The following UACA variants were observed in gnomAD, a reference collection of about 807,000 sequenced individuals.
The protein encoded by UACA is uveal autoantigen with coiled-coil domains and ankyrin repeats.
A neutral mutation model predicts 160.5 loss-of-function variants in UACA; 112 were observed. The observed-to-expected ratio is 0.70, with a 90% CI of 0.60 to 0.82. UACA has a LOEUF of 0.82. UACA is among the 40% of genes least tolerant of loss of function. The pLI is 0.00. For missense variants in UACA, 1,574 were observed against 1,614.6 expected, an observed-to-expected ratio of 0.97 and a Z score of 0.43; for synonymous variants, 557 against 568.4, an observed-to-expected ratio of 0.98 and a Z score of 0.29.
chr15:70,699,543 C>T lies in UACA; in HGVS notation c.196G>A (p.Val66Met). The change falls in exon 2 of 19, where the codon GTG (valine) becomes ATG (methionine). Residue 66 changes from valine (V) to methionine (M), a missense_variant. Physicochemically the swap from Val to Met is conservative, Grantham distance 21 (BLOSUM62 1). Coordinates refer to ENST00000322954, the MANE Select transcript of UACA (RefSeq NM_018003.4). Reference sequence around the variant, plus strand: ...AATACTTACACAGATCTGCCTTCCACATCTAGTTTGCCTGGATTGACCCCC... The same window carrying T: ...AATACTTACACAGATCTGCCTTCCATATCTAGTTTGCCTGGATTGACCCCC... ...KKGVNPGKLD[V>M]EGRSVFHVVT... 1 of 1,611,058 alleles carries T rather than the reference C, an allele frequency of 6.2e-7. No individual in the cohort carries two copies. Among genetic ancestry groups the T allele is most frequent in the Non-Finnish European group, 8.5e-7 (1 of 1,179,194 alleles).
chr15:70,759,323 T>A (rs543363246), intron 1 of UACA, among the ~76,000 whole-genome samples: 1 of 152,284 alleles, frequency 6.6e-6, no homozygotes, highest in African/African-American at 2.4e-5. Flanking sequence ...AATTATCCCT[T>A]TTAGAAATCC....
At position 70,695,119 on chromosome 15, in the gene UACA, A is replaced by AAATATTTGTT; in HGVS notation, c.213-24_213-15dup. ...ACAACATGGAAGCTAAACAAAAAAA[A>AAATATTTGTT]AATATTTGTTGTGCTAAGGAAACAA... On this transcript the variant is annotated splice_polypyrimidine_tract_variant and intron_variant, in intron 2 of 18. Coordinates refer to ENST00000322954, the MANE Select transcript of UACA (RefSeq NM_018003.4). 1 of 1,574,336 alleles carries AAATATTTGTT rather than the reference A, an allele frequency of 6.4e-7. No individual in the cohort carries two copies. Among genetic ancestry groups the AAATATTTGTT allele is most frequent in the Non-Finnish European group, 8.6e-7 (1 of 1,160,786 alleles).
rs1350415570 is a variant in UACA at position 70,669,134 on chromosome 15, T to C, written c.1550A>G (p.Gln517Arg). 1 of 1,614,146 alleles carries C rather than the reference T, an allele frequency of 6.2e-7. No individual in the cohort carries two copies. The highest frequency in any genetic ancestry group is 2.2e-5 in the East Asian group (1 of 44,888). ...YESEGKVKQMQTHFLALKEHL... is the reference protein window; with the variant it reads ...YESEGKVKQMRTHFLALKEHL... ...TTCTTTAAGGGCAAGAAAATGGGTC[T>C]GCATTTGTTTAACTTTACCTTCTGA... is the stretch of plus-strand genomic sequence containing the variant. Residue 517 changes from glutamine to arginine, a missense_variant, in exon 16 of 19, where the codon CAG (glutamine) becomes CGG (arginine). Physicochemically the swap from Gln to Arg is conservative, Grantham distance 43. Transcript: ENST00000322954.
intron 8 of UACA, 95 bp downstream of exon 8, chr15:70,684,170 T>G: frequency 9.2e-7 from 1 of 1,091,046 alleles, no homozygotes; most frequent in Non-Finnish European, 1.3e-6. Context: ...AAGGAATGTT[T>G]TGCTTCTTAT....
Position 70,668,572 on chromosome 15 carries a change from C to A in UACA, c.2112G>T (p.Lys704Asn). The A allele has an allele frequency of 6.2e-7, 1 of 1,612,750 alleles. No individual in the cohort carries two copies. The highest frequency in any genetic ancestry group is 1.3e-5 in the African/African-American group (1 of 74,990). ...GATTTTTCAATGTTAACTCAGTGAT[C>A]TTCTTCCCAAGTTCTCCTGATTTCT... ...LEQKSGELGKKITELTLKNQT... is the reference protein window; with the variant it reads ...LEQKSGELGKNITELTLKNQT... Residue 704 changes from lysine (K) to asparagine (N), a missense_variant, in exon 16 of 19, where the codon AAG becomes AAT. Lys to Asn is a moderately conservative substitution (Grantham distance 94). Transcript: ENST00000322954.
At chr15:70,723,233 G>A (rs1356913608) in intron 1 of UACA, among the ~76,000 whole-genome samples, 2 of 152,218 alleles carry the variant, frequency 1.3e-5, no homozygotes, top group African/African-American at 2.4e-5. Context: ...AGCGGCTCAC[G>A]CCTGTAATCC....
intron 14 of UACA, chr15:70,671,563 T>TA (rs1383175075): frequency 6.3e-6 from 1 of 159,410 alleles, no homozygotes; most frequent in Non-Finnish European, 1.4e-5. Context: ...ATGTAGGGTC[T>TA]AAAAATAATT....
chr15:70,667,184 G>A lies in UACA; in HGVS notation c.3500C>T (p.Ala1167Val), dbSNP rs1398405690. Residue 1167 changes from alanine (A) to valine (V), a missense_variant, in exon 16 of 19, where the codon GCA becomes GTA. Physicochemically the swap from Ala to Val is moderately conservative, Grantham distance 64. Coordinates refer to ENST00000322954, the MANE Select transcript of UACA (RefSeq NM_018003.4). ...ENQKNSSVPL[A>V]EHLQIKEAFE... ...TGCTTCTTTAATCTGCAAATGCTCT[G>A]CCAGGGGTACAGAAGAGTTCTTTTG... 3.7e-6 allele frequency: 6 copies of A among 1,613,820 alleles called. No individual in the cohort carries two copies. The highest frequency in any genetic ancestry group is 1.7e-5 in the Admixed American group (1 of 59,996).
chr15:70,702,302 G>C, intron 1 of UACA: 2 of 1,008,096 alleles, frequency 2.0e-6, no homozygotes, highest in Non-Finnish European at 2.4e-6. Context: ...ACGCTGCAGT[G>C]CATGATAAAA....
rs376705053 is a variant in UACA at position 70,667,067 on chromosome 15, G to A, written c.3617C>T (p.Ser1206Leu). 92 of 1,613,130 alleles carry A rather than the reference G, an allele frequency of 5.7e-5. 1 individual carries two copies. The Admixed American group carries it at 9.2e-4, about 16-fold the overall frequency. ...NKMEEVSKLQ[S>L]EVQNTKQALK... Reference sequence around the variant, plus strand: ...TGCTTGTTTAGTATTCTGAACCTCCGACTGAAGTTTGGAGACTTCTTCCAT... The same window carrying A: ...TGCTTGTTTAGTATTCTGAACCTCCAACTGAAGTTTGGAGACTTCTTCCAT... Residue 1206 changes from serine (S) to leucine (L), a missense_variant, in exon 16 of 19, where the codon TCG becomes TTG. Coordinates refer to ENST00000322954, the MANE Select transcript of UACA (RefSeq NM_018003.4).
Position 70,669,607 on chromosome 15 carries a change from A to G in UACA, c.1222-145T>C, listed in dbSNP as rs553056141. 1.8e-5 allele frequency: 11 copies of G among 608,666 alleles called. No individual in the cohort carries two copies. In the South Asian group the frequency reaches 2.8e-4, roughly 16 times the overall value. The allele number at this position is 608,666 out of a possible 1,614,324, so 37.7% of individuals were successfully genotyped here. A position where few individuals can be genotyped will look rare whatever the true frequency, so the allele number is the denominator to read the frequency against. ...GGCAGTAAGATGGAAAAAAAATCAC[A>G]ATGCTGATTTTTGTGGTAAGGAAAC... On this transcript the variant is annotated intron_variant, in intron 15 of 18. Coordinates refer to ENST00000322954, the MANE Select transcript of UACA (RefSeq NM_018003.4).
At chr15:70,723,318 C>T (rs566959972) in intron 1 of UACA, among the ~76,000 whole-genome samples, 1 of 152,326 alleles carries the variant, frequency 6.6e-6, no homozygotes, top group South Asian at 2.1e-4. Flanking sequence ...ACACAGTAGA[C>T]TTTGTCTTCA....
intron 1 of UACA, among the ~76,000 whole-genome samples, chr15:70,717,484 G>A (rs1048284770): frequency 6.6e-6 from 1 of 152,180 alleles, no homozygotes; most frequent in Non-Finnish European, 1.5e-5. Context: ...TAGGCAATAT[G>A]TAATGAATAA....
chr15:70,764,093 A>G (rs1259887673), upstream of UACA, among the ~76,000 whole-genome samples: 1 of 152,230 alleles, frequency 6.6e-6, no homozygotes, highest in Non-Finnish European at 1.5e-5. Context: ...TTGTGCAGAA[A>G]AACGTACAGT....
chr15:70,690,561 T>C, intron 4 of UACA, 50 bp from the exon 5 acceptor site: 1 of 1,440,550 alleles, frequency 6.9e-7, no homozygotes, highest in Non-Finnish European at 9.7e-7. Context: ...TATTTTAAAA[T>C]TAGATATCCA....
At chr15:70,746,199 C>A (rs1031883593) in intron 1 of UACA, among the ~76,000 whole-genome samples, 9 of 152,080 alleles carry the variant, frequency 5.9e-5, no homozygotes, top group Admixed American at 1.3e-4. Context: ...GAACAGGCAA[C>A]ATACAGAATG....
chr15:70,768,592 C>T, the UACA span, among the ~76,000 whole-genome samples: 2 of 152,148 alleles, frequency 1.3e-5, no homozygotes, highest in Non-Finnish European at 2.9e-5. Flanking sequence ...CAAAAAAAAC[C>T]TCTTGATTGC....
chr15:70,677,489 T>C (rs181076645), intron 11 of UACA, among the ~76,000 whole-genome samples: 1 of 152,196 alleles, frequency 6.6e-6, no homozygotes, highest in African/African-American at 2.4e-5. Context: ...CTAACATAGA[T>C]AGCAAGATAT....
chr15:70,690,959 T>C (rs1378943926), intron 4 of UACA, among the ~76,000 whole-genome samples: 1 of 152,200 alleles, frequency 6.6e-6, no homozygotes, highest in Admixed American at 6.5e-5. Flanking sequence ...TTATGTAGTA[T>C]AAGTTATCTG....
Sources: allele counts gnomAD v4.1 joint callset (sites outside exome capture counted in the v4.1 genomes callset), GRCh38; gene constraint gnomAD v4.1.1; transcripts MANE v1.5; gene names NCBI Gene and HGNC (gene_info 2026-07-23, HGNC 2026-07-21).